SSBP4: variants seen among roughly 807,000 people sequenced by gnomAD.
The protein encoded by SSBP4 is single stranded DNA binding protein 4, also known as single-stranded DNA-binding protein 4.
In SSBP4, 33 loss-of-function variants were observed where a neutral mutation model predicts 64.6. The observed-to-expected ratio is 0.51, with a 90% confidence interval of 0.39 to 0.68. SSBP4 has a LOEUF of 0.68. SSBP4 is among the 30% of genes least tolerant of loss of function. SSBP4 has a pLI of 0.00. For synonymous variants in SSBP4, 243 were observed against 224.0 expected (o/e 1.08, Z -0.76); for missense variants, 583 against 566.8 (o/e 1.03, Z -0.29).
Position 18,419,453 on chromosome 19 carries a change from C to T in SSBP4, c.-196C>T. On this transcript the variant is annotated 5_prime_UTR_variant, in exon 1 of 18. Transcript: ENST00000270061. ...GGAGGAAAAAAAGCCACCCTGCGGC[C>T]GGGGCCGGAGCTGGAGCCGCCGCTG... 5.6e-6 allele frequency: 6 copies of T among 1,062,116 alleles called. No homozygotes were observed. Among genetic ancestry groups the T allele is most frequent in the East Asian group, 7.4e-5 (1 of 13,570 alleles). The allele number at this position is 1,062,116 out of a possible 1,614,324, so 65.8% of individuals were successfully genotyped here.
chr19:18,425,313 C>T (rs1453137899), intron 1 of SSBP4, among the ~76,000 whole-genome samples: 2 of 152,176 alleles, frequency 1.3e-5, no homozygotes, highest in Admixed American at 1.3e-4. Context: ...CCCGGGGCCG[C>T]TCACCAGCGT....
At chr19:18,415,982 C>T (rs1787050751), upstream of SSBP4, among the ~76,000 whole-genome samples, 1 of 152,270 alleles carries the variant, frequency 6.6e-6, no homozygotes, top group Non-Finnish European at 1.5e-5. Context: ...CTCTGTGCCA[C>T]CTTGATCTCA....
At chr19:18,417,860 G>A (rs988436612), upstream of SSBP4, among the ~76,000 whole-genome samples, 3 of 152,028 alleles carry the variant, frequency 2.0e-5, no homozygotes, top group Admixed American at 2.0e-4. This position sits in a 1 kb window ranked among gnomAD's most constrained non-coding sequence, Gnocchi z 5.4. Flanking sequence ...ACTTCCCGCC[G>A]GCCAGAAGGC....
At chr19:18,431,052 C>T (rs1352052582) in intron 5 of SSBP4, 122 bp downstream of exon 5, 17 of 1,187,508 alleles carry the variant, frequency 1.4e-5, no homozygotes, top group Non-Finnish European at 1.9e-5. Context: ...TGGGAGGGTC[C>T]TCTGTGCCGC....
intron 4 of SSBP4, 150 bp downstream of exon 4, chr19:18,428,132 C>A: frequency 2.2e-6 from 2 of 889,808 alleles, no homozygotes; most frequent in South Asian, 3.3e-5. Flanking sequence ...AGCCTCCACT[C>A]AGGCTCTTGG....
chr19:18,419,805 G>T, intron 1 of SSBP4, 98 bp downstream of exon 1: 1 of 942,948 alleles, frequency 1.1e-6, no homozygotes, highest in Non-Finnish European at 1.3e-6. Context: ...CGGGCGGCGG[G>T]GAGCGCGAGC....
chr19:18,422,501 G>C (rs990786710), intron 1 of SSBP4, among the ~76,000 whole-genome samples: 2 of 152,218 alleles, frequency 1.3e-5, no homozygotes, highest in Non-Finnish European at 1.5e-5. Flanking sequence ...ATGAAAGAAA[G>C]CCTGGAAAAC....
At chr19:18,430,494 A>T (rs1973271193) in intron 4 of SSBP4, among the ~76,000 whole-genome samples, 1 of 152,096 alleles carries the variant, frequency 6.6e-6, no homozygotes, top group Non-Finnish European at 1.5e-5. Flanking sequence ...GCCTTCAGGG[A>T]GGCTCTTGAA....
Position 18,427,253 on chromosome 19 carries a change from G to A in SSBP4, c.60-98G>A. On this transcript the variant is annotated intron_variant, in intron 1 of 17. Coordinates refer to ENST00000270061, the MANE Select transcript of SSBP4 (RefSeq NM_032627.5). The surrounding 1 kb of genome is among the most constrained non-coding windows in gnomAD (Gnocchi z 4.4). ...GTCCCTGCTGAGCAGCTGGTGGGGA[G>A]GCCACCTTTCCACCCGCCCTCCTGA... is the stretch of plus-strand genomic sequence containing the variant. 1.6e-6 allele frequency: 2 copies of A among 1,283,676 alleles called. No individual in the cohort carries two copies. Among genetic ancestry groups the A allele is most frequent in the Non-Finnish European group, 1.1e-6 (1 of 915,762 alleles). 79.5% of individuals were successfully genotyped at this position (1,283,676 alleles called of 1,614,324 possible).
At chr19:18,433,552 T>C in intron 15 of SSBP4, 33 bp from the exon 16 acceptor site, 1 of 1,544,794 alleles carries the variant, frequency 6.5e-7, no homozygotes, top group South Asian at 1.2e-5. Flanking sequence ...CCAGCACGTC[T>C]GAGCCGGTGC....
the SSBP4 span, among the ~76,000 whole-genome samples, chr19:18,412,321 C>T: frequency 2.6e-5 from 4 of 151,464 alleles, no homozygotes; most frequent in Non-Finnish European, 4.4e-5. Context: ...ATTAGCCGGG[C>T]GTGGTGGCAG....
Position 18,423,364 on chromosome 19 carries a change from G to T in SSBP4, c.59+3657G>T, listed in dbSNP as rs998794993. Among the ~76,000 whole-genome samples, 1 of 152,212 alleles carries T rather than the reference G, an allele frequency of 6.6e-6. No homozygotes were observed. On this transcript the variant is annotated intron_variant, in intron 1 of 17. Coordinates refer to ENST00000270061, the MANE Select transcript of SSBP4 (RefSeq NM_032627.5). This position sits in a 1 kb window ranked among gnomAD's most constrained non-coding sequence, Gnocchi z 4.0. ...CCCTGGCTGGAAATGGCTATGAGGGGCAGGTGTGGAGGGTAGTAAGGAGAG... is the reference window on the plus strand; with the variant it reads ...CCCTGGCTGGAAATGGCTATGAGGGTCAGGTGTGGAGGGTAGTAAGGAGAG...
chr19:18,419,877 TTGGCGGGGGGCGCGCGAGAC>T (rs1972309028), intron 1 of SSBP4, among the ~76,000 whole-genome samples, 170 bp downstream of exon 1: 1 of 112,970 alleles, frequency 8.9e-6, no homozygotes. Context: ...GGGCACGAGA[TTGGCGGGGGGCGCGCGAGAC>T]CCTGAGGGGT....
At chr19:18,410,062 C>T in the SSBP4 span, among the ~76,000 whole-genome samples, 1 of 152,226 alleles carries the variant, frequency 6.6e-6, no homozygotes, top group Non-Finnish European at 1.5e-5. Flanking sequence ...GGCACGATCT[C>T]GGCTCACTGC....
chr19:18,432,952 C>T (rs745402101), intron 13 of SSBP4, 21 bp from the exon 14 acceptor site: 2 of 1,614,006 alleles, frequency 1.2e-6, no homozygotes, highest in East Asian at 2.2e-5. Context: ...TCACACCTGG[C>T]ACCCTTCTGG....
chr19:18,419,942 G>T (rs1333224045), intron 1 of SSBP4, among the ~76,000 whole-genome samples: 1 of 150,278 alleles, frequency 6.7e-6, no homozygotes, highest in African/African-American at 2.4e-5. Flanking sequence ...GACCCGAGGG[G>T]CGCTAGACGG....
chr19:18,433,071 T>C (rs1440839534), intron 14 of SSBP4, 28 bp downstream of exon 14: 1 of 1,613,718 alleles, frequency 6.2e-7, no homozygotes, highest in African/African-American at 1.3e-5. Flanking sequence ...GGGGTGCTTC[T>C]CGAGGCGGTG....
rs1973371012 is a variant in SSBP4, at chr19:18,431,430, T to A, written c.435+12T>A. ...GGCCTCACGGTCAGGTAAGGAGCTG[T>A]GGTGCCTGCCCCTCACACACACACA... On this transcript the variant is annotated intron_variant, in intron 6 of 17. Coordinates refer to ENST00000270061, the MANE Select transcript of SSBP4 (RefSeq NM_032627.5). 1.3e-6 allele frequency: 2 copies of A among 1,493,944 alleles called. No individual in the cohort carries two copies. The highest frequency in any genetic ancestry group is 2.4e-5 in the South Asian group (2 of 81,706). 92.5% of individuals were successfully genotyped at this position (1,493,944 alleles called of 1,614,324 possible). A position where few individuals can be genotyped will look rare whatever the true frequency, so the allele number is the denominator to read the frequency against.
intron 1 of SSBP4, among the ~76,000 whole-genome samples, chr19:18,420,755 G>C (rs1386725737): frequency 6.6e-6 from 1 of 151,892 alleles, no homozygotes; most frequent in Non-Finnish European, 1.5e-5. Context: ...GGGAGGCTGA[G>C]GCAGGAGAAT....
Sources: allele counts gnomAD v4.1 joint callset (sites outside exome capture counted in the v4.1 genomes callset), GRCh38; gene constraint gnomAD v4.1.1; non-coding constraint Gnocchi (gnomAD v3.1); transcripts MANE v1.5; gene names NCBI Gene and HGNC (gene_info 2026-07-23, HGNC 2026-07-21).